SYT11: variants seen among roughly 807,000 people sequenced by gnomAD.
The protein encoded by SYT11 is synaptotagmin 11.
In SYT11, 12 loss-of-function variants were observed where a neutral mutation model predicts 30.4. That is an observed-to-expected ratio of 0.39 (90% CI 0.25 to 0.64). The LOEUF (loss-of-function observed/expected upper bound fraction) is 0.64. Among genes scored for constraint, SYT11 ranks in the 30% least tolerant of loss-of-function variants. The pLI is 0.45. For missense variants in SYT11, 412 were observed against 552.0 expected (o/e 0.75, Z 2.54); for synonymous variants, 204 against 216.0 (o/e 0.94, Z 0.49).
intron 2 of SYT11, among the ~76,000 whole-genome samples, chr1:155,876,962 TTC>T (rs1443520542): frequency 1.0e-5 from 1 of 98,746 alleles, no homozygotes; most frequent in African/African-American, 3.0e-5. Flanking sequence ...ATTTTTCTAT[TTC>T]TTTTTTTTTT....
In SYT11 at chr1:155,860,638, G is replaced by C. The variant is rs550915204; in HGVS notation, c.34+843G>C. Among the ~76,000 whole-genome samples, 2 of 152,160 alleles carry C rather than the reference G, an allele frequency of 1.3e-5. No homozygotes were observed. Among genetic ancestry groups the C allele is most frequent in the African/African-American group, 4.8e-5 (2 of 41,434 alleles). On this transcript the variant is annotated intron_variant, in intron 1 of 3. Transcript: ENST00000368324. The surrounding 1 kb of genome is among the most constrained non-coding windows in gnomAD (Gnocchi z 4.1). ...GGGAGGGGCGAAAGAGGCCCAGCCC[G>C]GGGGAGGCCGCTTTGTGTACCGCAG...
intron 2 of SYT11, among the ~76,000 whole-genome samples, chr1:155,872,503 T>C (rs2102560967): frequency 6.6e-6 from 1 of 152,342 alleles, no homozygotes; most frequent in Admixed American, 6.5e-5. Flanking sequence ...CCACTGTTCC[T>C]GTTCCTCTGT....
chr1:155,883,238 A>G lies in SYT11; in HGVS notation c.*1730A>G, dbSNP rs1673008973. The G allele has an allele frequency of 6.6e-6, 1 of 152,246 alleles. No homozygotes were observed. Among genetic ancestry groups the G allele is most frequent in the South Asian group, 2.1e-4 (1 of 4,826 alleles). The allele number at this position is 152,246 out of a possible 1,614,324, so 9.4% of individuals were successfully genotyped here. A position where few individuals can be genotyped will look rare whatever the true frequency, so the allele number is the denominator to read the frequency against. On this transcript the variant is annotated 3_prime_UTR_variant, in exon 4 of 4. Transcript: ENST00000368324. ...GCAGATGGCACAGACTCCATGGATA[A>G]TAGGTAAACTTGGGGCCGGGCGCAG...
intron 1 of SYT11, 82 bp from the exon 2 acceptor site, chr1:155,867,883 C>G (rs1362283233): frequency 9.4e-7 from 1 of 1,065,198 alleles, no homozygotes; most frequent in African/African-American, 1.6e-5. Context: ...TAGCTTGGCT[C>G]CAGCAGTGGC....
rs1672716317 is a variant in SYT11 at position 155,868,198 on chromosome 1, G to A, written c.268G>A (p.Gly90Arg). 6.2e-7 allele frequency: 1 copy of A among 1,614,070 alleles called. No homozygotes were observed. The highest frequency in any genetic ancestry group is 8.5e-7 in the Non-Finnish European group (1 of 1,180,040). ...RDKDGPGREG[G>R]RRNLLVDAAE... is the part of the protein sequence containing the mutation. ...CAAAGATGGTCCTGGGAGGGAAGGTGGACGTAGGAACCTGTTGGTGGACGC... is the reference window on the plus strand; with the variant it reads ...CAAAGATGGTCCTGGGAGGGAAGGTAGACGTAGGAACCTGTTGGTGGACGC... The change falls in exon 2 of 4, where the codon GGA (glycine) becomes AGA (arginine). Residue 90 changes from glycine to arginine, a missense_variant. Physicochemically the swap from Gly to Arg is moderately radical, Grantham distance 125. Coordinates refer to ENST00000368324, the MANE Select transcript of SYT11 (RefSeq NM_152280.5). This position sits in a 1 kb window ranked among gnomAD's most constrained non-coding sequence, Gnocchi z 4.7.
chr1:155,876,036 A>C (rs1418917692), intron 2 of SYT11, among the ~76,000 whole-genome samples: 1 of 152,086 alleles, frequency 6.6e-6, no homozygotes, highest in Non-Finnish European at 1.5e-5. Context: ...ATAAGTGCCT[A>C]ACAAGTCATT....
chr1:155,867,943 C>T (rs374174113), intron 1 of SYT11, 22 bp from the exon 2 acceptor site: 5 of 1,577,388 alleles, frequency 3.2e-6, no homozygotes, highest in Non-Finnish European at 4.3e-6. Flanking sequence ...CGCCCTGACA[C>T]ATCTCTGATC....
intron 2 of SYT11, among the ~76,000 whole-genome samples, chr1:155,874,646 T>C (rs1672833189): frequency 6.7e-6 from 1 of 149,236 alleles, no homozygotes; most frequent in Non-Finnish European, 1.5e-5. Context: ...ATCCCAGCAC[T>C]TTGGGAGGCC....
At position 155,881,203 on chromosome 1, in the gene SYT11, T is replaced by C. The variant is rs770153506; in HGVS notation, c.991T>C (p.Tyr331His). 1.2e-6 allele frequency: 2 copies of C among 1,612,684 alleles called. No homozygotes were observed. Among genetic ancestry groups the C allele is most frequent in the Admixed American group, 1.7e-5 (1 of 59,878 alleles). The change falls in exon 4 of 4, where the codon TAT becomes CAT. Residue 331 changes from tyrosine to histidine, a missense_variant. By Grantham distance (83) the Tyr-to-His change is moderately conservative (BLOSUM62 2). Transcript: ENST00000368324. ...TATCTCTTTGGGGGCCCCAGATCCTTATGTCAAGGTGAACGTCTACTACGG... is the reference window on the plus strand; with the variant it reads ...TATCTCTTTGGGGGCCCCAGATCCTCATGTCAAGGTGAACGTCTACTACGG... ...MDITGLSGNP[Y>H]VKVNVYYGRK...
chr1:155,878,641 G>A (rs896036491), intron 2 of SYT11, among the ~76,000 whole-genome samples: 40 of 151,464 alleles, frequency 2.6e-4, no homozygotes, highest in Non-Finnish European at 4.3e-4. Context: ...CGAGACGGGC[G>A]GATCATGAGG....
intron 1 of SYT11, among the ~76,000 whole-genome samples, chr1:155,863,067 T>A (rs976365056): frequency 1.3e-5 from 2 of 152,218 alleles, no homozygotes; most frequent in African/African-American, 4.8e-5. Flanking sequence ...TTTCATTTAA[T>A]ACTTTGAGAC....
At position 155,868,834 on chromosome 1, in the gene SYT11, G is replaced by T; in HGVS notation, c.861+43G>T. The T allele has an allele frequency of 6.4e-7, 1 of 1,560,112 alleles. No homozygotes were observed. Among genetic ancestry groups the T allele is most frequent in the Non-Finnish European group, 8.7e-7 (1 of 1,146,310 alleles). ...GTTGGGGAGCAATGGTAGGTTGGGGGAGAAAATATCTCAGGGGATAAATGG... is the reference window on the plus strand; with the variant it reads ...GTTGGGGAGCAATGGTAGGTTGGGGTAGAAAATATCTCAGGGGATAAATGG... On this transcript the variant is annotated intron_variant, in intron 2 of 3. Transcript: ENST00000368324. The surrounding 1 kb of genome is among the most constrained non-coding windows in gnomAD (Gnocchi z 4.7).
intron 2 of SYT11, among the ~76,000 whole-genome samples, chr1:155,880,072 G>T (rs1197971156): frequency 6.6e-6 from 1 of 152,138 alleles, no homozygotes; most frequent in Non-Finnish European, 1.5e-5. Context: ...CACACCTGTA[G>T]TCCTAGCTAC....
chr1:155,870,383 T>G (rs1207516155), intron 2 of SYT11, among the ~76,000 whole-genome samples: 2 of 152,368 alleles, frequency 1.3e-5, no homozygotes, highest in East Asian at 3.9e-4. Context: ...TTACTATTAT[T>G]GTTATTCCTA....
At chr1:155,873,424 C>CA (rs1365733882) in intron 2 of SYT11, among the ~76,000 whole-genome samples, 2 of 151,832 alleles carry the variant, frequency 1.3e-5, no homozygotes, top group African/African-American at 4.8e-5. Context: ...GACTCCGTCT[C>CA]AAAAAAAAGA....
intron 1 of SYT11, among the ~76,000 whole-genome samples, chr1:155,867,140 C>A (rs1327869435): frequency 1.3e-5 from 2 of 152,044 alleles, no homozygotes; most frequent in Non-Finnish European, 2.9e-5. Flanking sequence ...TCACTGCAAC[C>A]TCTGCCTCCC....
At chr1:155,880,752 A>G (rs758188813) in intron 3 of SYT11, 129 bp downstream of exon 3, 1 of 1,150,522 alleles carries the variant, frequency 8.7e-7, no homozygotes, top group Non-Finnish European at 1.2e-6. Flanking sequence ...CTTTCTGTAG[A>G]CATTCTCTTC....
chr1:155,878,928 C>A (rs1571980383), intron 2 of SYT11, among the ~76,000 whole-genome samples: 1 of 151,748 alleles, frequency 6.6e-6, no homozygotes, highest in Non-Finnish European at 1.5e-5. Flanking sequence ...AAAAAAGCCT[C>A]CCCTGAATCT....
At chr1:155,876,010 G>A (rs1672853238) in intron 2 of SYT11, among the ~76,000 whole-genome samples, 1 of 152,170 alleles carries the variant, frequency 6.6e-6, no homozygotes, top group Non-Finnish European at 1.5e-5. Context: ...TTCTAGCAGA[G>A]AGTGCCTGGC....
Sources: gnomAD v4.1 joint callset for allele counts (sites outside exome capture counted in the v4.1 genomes callset) on GRCh38, gnomAD v4.1.1 for gene constraint, Gnocchi (gnomAD v3.1) non-coding constraint, MANE v1.5 for transcripts, NCBI Gene and HGNC (gene_info 2026-07-23, HGNC 2026-07-21) for gene names.